Variants in NCAM2 observed in about 807,000 individuals in gnomAD.
NCAM2 encodes the protein N-CAM-2.
In NCAM2, 30 loss-of-function variants were observed where a neutral mutation model predicts 98.1. That is an observed-to-expected ratio of 0.31 (90% CI 0.23 to 0.41). The LOEUF (loss-of-function observed/expected upper bound fraction) is 0.41. Among genes scored for constraint, NCAM2 ranks in the 10% least tolerant of loss-of-function variants. The pLI, the probability that NCAM2 is intolerant of heterozygous loss-of-function variation, is 1.00. For missense variants in NCAM2, 867 were observed against 1,005.8 expected, an observed-to-expected ratio of 0.86 and a Z score of 1.87; for synonymous variants, 368 against 342.4, an observed-to-expected ratio of 1.07 and a Z score of -0.83.
chr21:21,149,820 G>A (rs764929938), intron 1 of NCAM2, among the ~76,000 whole-genome samples: 16 of 152,160 alleles, frequency 1.1e-4, no homozygotes, highest in Non-Finnish European at 1.9e-4. Flanking sequence ...ATCATTGATG[G>A]GGCATTTGAG....
chr21:21,498,240 T>G (rs910703594), intron 15 of NCAM2, among the ~76,000 whole-genome samples: 7 of 152,116 alleles, frequency 4.6e-5, no homozygotes, highest in Non-Finnish European at 8.8e-5. Flanking sequence ...AGTGCTGTAT[T>G]CCTGATTATA....
At chr21:21,143,548 T>C (rs1226130910) in intron 1 of NCAM2, among the ~76,000 whole-genome samples, 1 of 152,168 alleles carries the variant, frequency 6.6e-6, no homozygotes, top group Non-Finnish European at 1.5e-5. Flanking sequence ...CTGTGTATAG[T>C]TTTATACTTT....
intron 5 of NCAM2, among the ~76,000 whole-genome samples, chr21:21,292,545 A>G (rs2073336325): frequency 6.6e-6 from 1 of 151,964 alleles, no homozygotes; most frequent in African/African-American, 2.4e-5. Context: ...ACAGTATCAT[A>G]CTAAATGTTA....
chr21:21,410,963 C>T (rs866701123), intron 10 of NCAM2, among the ~76,000 whole-genome samples: 79 of 140,060 alleles, frequency 5.6e-4, no homozygotes, highest in African/African-American at 1.8e-3. Context: ...GCCGAGATCA[C>T]GCCACTGCAC....
intron 5 of NCAM2, among the ~76,000 whole-genome samples, chr21:21,319,134 A>C (rs2147769531): frequency 6.6e-6 from 1 of 151,866 alleles, no homozygotes; most frequent in South Asian, 2.1e-4. Context: ...AAAACAAACA[A>C]AAAAAAATGC....
In NCAM2 at chr21:21,387,302, C is replaced by T. The variant is rs569584707; in HGVS notation, c.1195+13289C>T. The stretch of plus-strand genomic sequence containing the variant: ...TTCACCCTCATAACGTCACTTAAAC[C>T]TAATTGCTCCCCAAAGGCCCTACTT... On this transcript the variant is annotated intron_variant, in intron 9 of 17. Transcript: ENST00000400546. Among the ~76,000 whole-genome samples, 5 of 151,930 alleles carry T rather than the reference C, an allele frequency of 3.3e-5. No individual in the cohort carries two copies. The East Asian group carries it at 5.8e-4, about 18-fold the overall frequency.
chr21:21,349,318 T>C (rs1361468691), intron 8 of NCAM2, among the ~76,000 whole-genome samples: 2 of 152,074 alleles, frequency 1.3e-5, no homozygotes, highest in Non-Finnish European at 2.9e-5. Context: ...CAAACAGATA[T>C]ATGAAAAGGT....
chr21:21,164,104 G>T (rs2067876820), intron 1 of NCAM2, among the ~76,000 whole-genome samples: 1 of 152,144 alleles, frequency 6.6e-6, no homozygotes, highest in Admixed American at 6.5e-5. Context: ...CCACCAGGTG[G>T]CACTAAATTC....
At chr21:21,025,375 G>A (rs897152666) in intron 1 of NCAM2, among the ~76,000 whole-genome samples, 2 of 152,160 alleles carry the variant, frequency 1.3e-5, no homozygotes, top group African/African-American at 4.8e-5. Flanking sequence ...GAGAGCCACT[G>A]CGCCCGGCCA....
At chr21:21,474,189 T>G (rs1226543753) in intron 14 of NCAM2, among the ~76,000 whole-genome samples, 1 of 151,954 alleles carries the variant, frequency 6.6e-6, no homozygotes, top group Non-Finnish European at 1.5e-5. Flanking sequence ...TCCTATTCCC[T>G]AGGAATAGCA....
intron 1 of NCAM2, among the ~76,000 whole-genome samples, chr21:21,011,178 G>A (rs142336123): frequency 3.1e-4 from 47 of 151,404 alleles, no homozygotes; most frequent in African/African-American, 1.1e-3. Context: ...TTTTCCATAG[G>A]GATTACATCA....
At chr21:21,121,194 T>C (rs2066668487) in intron 1 of NCAM2, among the ~76,000 whole-genome samples, 1 of 152,222 alleles carries the variant, frequency 6.6e-6, no homozygotes. Context: ...GTATGAGTGA[T>C]TGCATTCTGA....
chr21:21,363,210 A>G (rs1439135133), intron 8 of NCAM2, among the ~76,000 whole-genome samples: 1 of 152,180 alleles, frequency 6.6e-6, no homozygotes, highest in African/African-American at 2.4e-5. Flanking sequence ...GCAAGAGATT[A>G]AAGAGCAATG....
At chr21:21,350,107 A>G (rs2075294886) in intron 8 of NCAM2, among the ~76,000 whole-genome samples, 1 of 152,162 alleles carries the variant, frequency 6.6e-6, no homozygotes, top group South Asian at 2.1e-4. Context: ...GCTTGAGGGA[A>G]TGAATACCCC....
chr21:21,169,339 T>C (rs1042949605), intron 1 of NCAM2, among the ~76,000 whole-genome samples: 3 of 152,022 alleles, frequency 2.0e-5, no homozygotes, highest in Non-Finnish European at 4.4e-5. Flanking sequence ...ATAAAACTCA[T>C]AGAAAGAAGA....
intron 1 of NCAM2, among the ~76,000 whole-genome samples, chr21:21,036,175 G>C (rs1406026596): frequency 6.6e-6 from 1 of 152,120 alleles, no homozygotes; most frequent in Admixed American, 6.6e-5. Context: ...TAAAGCACTT[G>C]ATCAAAATAT....
chr21:21,473,088 G>A (rs952434357), intron 14 of NCAM2, among the ~76,000 whole-genome samples: 1 of 150,960 alleles, frequency 6.6e-6, no homozygotes, highest in African/African-American at 2.4e-5. Flanking sequence ...ACAACTTTTT[G>A]TCCCAGGTTT....
At chr21:21,355,428 C>T (rs1437140596) in intron 8 of NCAM2, among the ~76,000 whole-genome samples, 2 of 132,232 alleles carry the variant, frequency 1.5e-5, no homozygotes, top group African/African-American at 5.7e-5. Flanking sequence ...TGCCACTGCA[C>T]TCCAGCCTGA....
At chr21:21,221,640 G>A (rs1326583449) in intron 1 of NCAM2, among the ~76,000 whole-genome samples, 1 of 152,152 alleles carries the variant, frequency 6.6e-6, no homozygotes, top group African/African-American at 2.4e-5. Flanking sequence ...TTTTGCAAAG[G>A]CTGTGGGAGC....
Sources: allele counts gnomAD v4.1 joint callset (sites outside exome capture counted in the v4.1 genomes callset), GRCh38; gene constraint gnomAD v4.1.1; transcripts MANE v1.5; gene names NCBI Gene and HGNC (gene_info 2026-07-23, HGNC 2026-07-21).